The following KATNAL2 variants were observed in gnomAD, a reference collection of about 807,000 sequenced individuals.
The protein encoded by KATNAL2 is katanin p60 ATPase-containing subunit A-like 2.
KATNAL2 carries 52 observed loss-of-function variants against 76.3 expected under a neutral mutation model. That is an observed-to-expected ratio of 0.68 (90% CI 0.55 to 0.86). The LOEUF is 0.86. KATNAL2 is among the 40% of genes least tolerant of loss of function. KATNAL2 has a pLI of 0.00. For missense variants in KATNAL2, 660 were observed against 668.9 expected (o/e 0.99, Z 0.15); for synonymous variants, 243 against 244.2 (o/e 1.00, Z 0.05).
At chr18:47,093,993 T>C (rs2063119958) in intron 15 of KATNAL2, among the ~76,000 whole-genome samples, 3 of 152,244 alleles carry the variant, frequency 2.0e-5, no homozygotes, top group Admixed American at 2.0e-4. Flanking sequence ...TCAAAATTCA[T>C]GTGTTAGAAA....
intron 3 of KATNAL2, among the ~76,000 whole-genome samples, chr18:46,961,204 T>C (rs547606020): frequency 1.3e-5 from 2 of 152,224 alleles, no homozygotes; most frequent in South Asian, 2.1e-4. Flanking sequence ...GCCATCTGGC[T>C]ATTTATCTTA....
intron 8 of KATNAL2, among the ~76,000 whole-genome samples, chr18:47,061,255 G>A: frequency 6.6e-6 from 1 of 152,180 alleles, no homozygotes; most frequent in South Asian, 2.1e-4. Flanking sequence ...TTGACTCATA[G>A]TTCTATATGG....
At chr18:46,941,127 C>T (rs1224215659) in intron 1 of KATNAL2, among the ~76,000 whole-genome samples, 1 of 152,082 alleles carries the variant, frequency 6.6e-6, no homozygotes, top group Admixed American at 6.6e-5. Context: ...AGTTTGAAAC[C>T]AGCTTGGCCA....
intron 15 of KATNAL2, among the ~76,000 whole-genome samples, chr18:47,085,438 T>C (rs72903295): frequency 0.012 from 1,768 of 152,306 alleles, 21 homozygotes; most frequent in Non-Finnish European, 0.019. Context: ...CTAAAGCTAA[T>C]GCAAGACCAC....
chr18:47,061,189 G>C (rs1227842453), intron 8 of KATNAL2, among the ~76,000 whole-genome samples: 1 of 152,210 alleles, frequency 6.6e-6, no homozygotes, highest in African/African-American at 2.4e-5. Flanking sequence ...TGTCTGTTTT[G>C]CATTGCTATA....
At chr18:47,085,556 T>G (rs1231349956) in intron 15 of KATNAL2, among the ~76,000 whole-genome samples, 1 of 152,076 alleles carries the variant, frequency 6.6e-6, no homozygotes, top group Non-Finnish European at 1.5e-5. Context: ...AGAGATGTCT[T>G]TTAAAGTTTT....
At chr18:47,038,737 A>C (rs1452929148) in intron 3 of KATNAL2, among the ~76,000 whole-genome samples, 1 of 152,240 alleles carries the variant, frequency 6.6e-6, no homozygotes, top group African/African-American at 2.4e-5. Context: ...TTATTGAAAG[A>C]AGCTTATTTT....
At chr18:46,919,116 C>T (rs1355218396) in intron 1 of KATNAL2, among the ~76,000 whole-genome samples, 1 of 150,428 alleles carries the variant, frequency 6.6e-6, no homozygotes, top group East Asian at 2.0e-4. Context: ...TTTAGGAAGC[C>T]GAGGCAGGTG....
intron 1 of KATNAL2, among the ~76,000 whole-genome samples, chr18:46,942,180 A>T (rs1054847526): frequency 7.6e-6 from 1 of 132,176 alleles, no homozygotes; most frequent in Non-Finnish European, 1.7e-5. Context: ...GAAATTTAGA[A>T]CTCATATCTA....
intron 3 of KATNAL2, among the ~76,000 whole-genome samples, chr18:47,041,786 C>A (rs542702605): frequency 6.6e-6 from 1 of 152,184 alleles, no homozygotes; most frequent in African/African-American, 2.4e-5. Flanking sequence ...TTTAAAAAAA[C>A]CTGCCAAAGT....
At chr18:47,036,986 C>A (rs950923654) in intron 3 of KATNAL2, among the ~76,000 whole-genome samples, 13 of 152,156 alleles carry the variant, frequency 8.5e-5, no homozygotes, top group African/African-American at 3.1e-4. Context: ...ATATATTCAA[C>A]CTTTTAGGGG....
intron 15 of KATNAL2, among the ~76,000 whole-genome samples, chr18:47,095,455 T>C (rs2063189770): frequency 6.6e-6 from 1 of 152,218 alleles, no homozygotes; most frequent in Non-Finnish European, 1.5e-5. Flanking sequence ...GCTCACTCTG[T>C]CCTGCCACCC....
chr18:47,066,705 TAG>T (rs2061803313), intron 10 of KATNAL2, among the ~76,000 whole-genome samples: 1 of 151,494 alleles, frequency 6.6e-6, no homozygotes, highest in Non-Finnish European at 1.5e-5. Flanking sequence ...TGAAAACAGG[TAG>T]AGTCTGTTGT....
chr18:46,953,888 T>A (rs1599440566), intron 3 of KATNAL2, among the ~76,000 whole-genome samples: 2 of 152,316 alleles, frequency 1.3e-5, no homozygotes, highest in African/African-American at 4.8e-5. Context: ...CATTGGGGGA[T>A]GCCAAATGTC....
chr18:46,946,567 T>C (rs1254960846), intron 2 of KATNAL2, 21 bp downstream of exon 2: 1 of 985,420 alleles, frequency 1.0e-6, no homozygotes, highest in Non-Finnish European at 1.2e-6. Context: ...CTGGGTCAGC[T>C]TGTATTTTAG....
intron 8 of KATNAL2, 43 bp from the exon 9 acceptor site, chr18:47,062,929 C>T (rs775683619): frequency 3.4e-6 from 5 of 1,477,232 alleles, no homozygotes; most frequent in Non-Finnish European, 1.9e-6. Flanking sequence ...GAAGAGTCTT[C>T]TCTTATGTTC....
At chr18:47,031,679 A>T (rs933632577) in intron 3 of KATNAL2, among the ~76,000 whole-genome samples, 3 of 152,048 alleles carry the variant, frequency 2.0e-5, no homozygotes, top group Non-Finnish European at 4.4e-5. Context: ...GATCTTTTTC[A>T]TATTGGTCGT....
At chr18:47,097,184 A>G (rs961671573) in intron 15 of KATNAL2, among the ~76,000 whole-genome samples, 14 of 151,926 alleles carry the variant, frequency 9.2e-5, no homozygotes, top group Admixed American at 3.3e-4. Flanking sequence ...AGCATTTGCA[A>G]CCTCTAGTGA....
intron 11 of KATNAL2, 25 bp downstream of exon 11, chr18:47,067,144 G>T (rs1185163408): frequency 5.7e-6 from 7 of 1,223,194 alleles, no homozygotes; most frequent in African/African-American, 1.5e-5. Context: ...CCTCTTGGGG[G>T]TTATTTCTGT....
Sources: gnomAD v4.1 joint callset for allele counts (sites outside exome capture counted in the v4.1 genomes callset) on GRCh38, gnomAD v4.1.1 for gene constraint, MANE v1.5 for transcripts, NCBI Gene and HGNC (gene_info 2026-07-23, HGNC 2026-07-21) for gene names.